The following NRG3 variants were observed in gnomAD, a reference collection of about 807,000 sequenced individuals.
NRG3 encodes pro-neuregulin-3, membrane-bound isoform.
A neutral mutation model predicts 66.9 loss-of-function variants in NRG3; 31 were observed. The observed-to-expected ratio is 0.46, with a 90% CI of 0.35 to 0.63. The LOEUF (loss-of-function observed/expected upper bound fraction) is 0.63. Among genes scored for constraint, NRG3 ranks in the 20% least tolerant of loss-of-function variants. NRG3 has a pLI of 0.00. For synonymous variants in NRG3, 393 were observed against 359.4 expected (o/e 1.09, Z -1.06); for missense variants, 910 against 878.9 (o/e 1.04, Z -0.45).
intron 2 of NRG3, among the ~76,000 whole-genome samples, chr10:82,647,501 G>A (rs1041213955): frequency 1.3e-5 from 2 of 152,140 alleles, no homozygotes; most frequent in African/African-American, 2.4e-5. Context: ...ATGATTTATA[G>A]TCCTTTGGGT....
chr10:82,401,516 T>C (rs564988683), intron 2 of NRG3, among the ~76,000 whole-genome samples: 1 of 152,144 alleles, frequency 6.6e-6, no homozygotes, highest in African/African-American at 2.4e-5. Context: ...TTGAATGTAC[T>C]TTGATTCCAC....
At chr10:82,228,214 G>T (rs1264092872) in intron 1 of NRG3, among the ~76,000 whole-genome samples, 1 of 152,156 alleles carries the variant, frequency 6.6e-6, no homozygotes, top group African/African-American at 2.4e-5. Flanking sequence ...TACAATAGGA[G>T]TGAGTGATTC....
chr10:82,959,951 C>T (rs1850456005), intron 6 of NRG3, among the ~76,000 whole-genome samples: 1 of 152,188 alleles, frequency 6.6e-6, no homozygotes, highest in Non-Finnish European at 1.5e-5. Flanking sequence ...CACACAGCAT[C>T]CGCACTTTCA....
intron 1 of NRG3, among the ~76,000 whole-genome samples, chr10:82,013,302 C>T (rs2061653476): frequency 6.6e-6 from 1 of 152,092 alleles, no homozygotes; most frequent in South Asian, 2.1e-4. Flanking sequence ...ATGGGGGAAA[C>T]CACTCCCATG....
chr10:82,384,968 T>A (rs893727568), intron 2 of NRG3, among the ~76,000 whole-genome samples: 2 of 152,150 alleles, frequency 1.3e-5, no homozygotes, highest in Admixed American at 6.5e-5. Flanking sequence ...AATAAAACCA[T>A]TCTCCAGCAT....
intron 1 of NRG3, among the ~76,000 whole-genome samples, chr10:81,888,149 G>T (rs1302686485): frequency 6.6e-6 from 1 of 152,128 alleles, no homozygotes. Flanking sequence ...CAGATGCAAA[G>T]AGGGTCTTCC....
chr10:82,604,508 G>C (rs2047837412), intron 2 of NRG3, among the ~76,000 whole-genome samples: 1 of 152,084 alleles, frequency 6.6e-6, no homozygotes, highest in Admixed American at 6.6e-5. Context: ...TTTGTGTACA[G>C]GTTTTGTGTA....
At chr10:82,432,254 CTCCTCATTCTT>C (rs2089864167) in intron 2 of NRG3, among the ~76,000 whole-genome samples, 1 of 152,044 alleles carries the variant, frequency 6.6e-6, no homozygotes, top group Non-Finnish European at 1.5e-5. Context: ...TAATCAACTT[CTCCTCATTCTT>C]TCCTCCTCTC....
intron 4 of NRG3, among the ~76,000 whole-genome samples, chr10:82,916,630 A>ATT (rs10628568): frequency 0.077 from 11,443 of 147,938 alleles, 525 homozygotes; most frequent in Admixed American, 0.16. Flanking sequence ...CAGCAATTAC[A>ATT]TTTTTTTTTT....
chr10:82,758,388 T>C (rs1020665932), intron 3 of NRG3, among the ~76,000 whole-genome samples: 9 of 152,112 alleles, frequency 5.9e-5, no homozygotes, highest in African/African-American at 2.2e-4. Context: ...GATGTATTTT[T>C]ATGAGTAATA....
intron 2 of NRG3, among the ~76,000 whole-genome samples, chr10:82,696,773 A>G (rs900941297): frequency 7.2e-5 from 11 of 152,194 alleles, no homozygotes; most frequent in Non-Finnish European, 1.6e-4. Context: ...TTACCTGGGA[A>G]AAAGAAAATG....
chr10:82,242,917 A>C (rs1185925987), intron 1 of NRG3, among the ~76,000 whole-genome samples: 2 of 152,222 alleles, frequency 1.3e-5, no homozygotes, highest in African/African-American at 2.4e-5. Context: ...GTTTCTACCT[A>C]CAGTCTGACC....
chr10:82,066,318 T>G lies in NRG3; in HGVS notation c.823+190155T>G, dbSNP rs75172798. 2.8e-3 allele frequency among the ~76,000 whole-genome samples: 424 copies of G among 152,374 alleles called. 2 individuals are homozygous for G. Among genetic ancestry groups the G allele is most frequent in the African/African-American group, 9.8e-3 (409 of 41,594 alleles). ...ATTCATATGTATTAATTTTCATGTA[T>G]TATATATGCATAAATTACCTTTTCA... On this transcript the variant is annotated intron_variant, in intron 1 of 8. Coordinates refer to ENST00000372141, the MANE Select transcript of NRG3 (RefSeq NM_001010848.4).
intron 2 of NRG3, among the ~76,000 whole-genome samples, chr10:82,450,938 A>G (rs2090992636): frequency 6.6e-6 from 1 of 152,178 alleles, no homozygotes. Flanking sequence ...TTAACTCAAC[A>G]TCATTTAATC....
intron 3 of NRG3, among the ~76,000 whole-genome samples, chr10:82,823,791 G>A (rs912153049): frequency 6.6e-6 from 1 of 152,078 alleles, no homozygotes; most frequent in African/African-American, 2.4e-5. Context: ...CGTTGCAGCT[G>A]CATTACAGTT....
intron 1 of NRG3, among the ~76,000 whole-genome samples, chr10:82,158,405 A>T (rs1313379919): frequency 6.6e-6 from 1 of 151,446 alleles, no homozygotes; most frequent in Non-Finnish European, 1.5e-5. Flanking sequence ...CTCACGGTGT[A>T]TGTGCTCCTG....
chr10:81,917,952 T>G (rs1459155752), intron 1 of NRG3, among the ~76,000 whole-genome samples: 1 of 152,300 alleles, frequency 6.6e-6, no homozygotes, highest in Admixed American at 6.5e-5. Flanking sequence ...ACTGATGAGT[T>G]TAATACAATG....
At chr10:82,425,531 A>C (rs2089369882) in intron 2 of NRG3, among the ~76,000 whole-genome samples, 1 of 152,082 alleles carries the variant, frequency 6.6e-6, no homozygotes, top group Non-Finnish European at 1.5e-5. Flanking sequence ...CTGTTCTGCT[A>C]ATTCCAAAAT....
chr10:82,605,130 G>A (rs1450117647), intron 2 of NRG3, among the ~76,000 whole-genome samples: 2 of 152,124 alleles, frequency 1.3e-5, no homozygotes, highest in Non-Finnish European at 2.9e-5. Flanking sequence ...ATCTTAGTGA[G>A]AAAACATGTA....
Sources: allele counts gnomAD v4.1 joint callset (sites outside exome capture counted in the v4.1 genomes callset), GRCh38; gene constraint gnomAD v4.1.1; transcripts MANE v1.5; gene names NCBI Gene and HGNC (gene_info 2026-07-23, HGNC 2026-07-21).